Variants in DYNC1I1 observed in about 807,000 individuals in gnomAD.
DYNC1I1 encodes the protein dynein cytoplasmic 1 intermediate chain 1.
A neutral mutation model predicts 86.6 loss-of-function variants in DYNC1I1; 43 were observed. The observed-to-expected ratio is 0.50, with a 90% confidence interval of 0.39 to 0.64. The LOEUF (loss-of-function observed/expected upper bound fraction) is 0.64. Among genes scored for constraint, DYNC1I1 ranks in the 30% least tolerant of loss-of-function variants. The pLI, the probability that DYNC1I1 is intolerant of heterozygous loss-of-function variation, is 0.00. For synonymous variants in DYNC1I1, 262 were observed against 283.7 expected (o/e 0.92, Z 0.77); for missense variants, 604 against 788.8 (o/e 0.77, Z 2.81).
chr7:96,057,304 C>T lies in DYNC1I1; in HGVS notation c.1509+17883C>T, dbSNP rs570169630. The stretch of plus-strand genomic sequence containing the variant: ...AGTCCTTGAAACTGGGCCTTTTCTA[C>T]GTCTGAGTCCTAATGAAGATTCCAG... On this transcript the variant is annotated intron_variant, in intron 14 of 16. Coordinates refer to ENST00000447467, the MANE Select transcript of DYNC1I1 (RefSeq NM_001135556.2). Among the ~76,000 whole-genome samples the T allele has an allele frequency of 3.4e-4, 52 of 152,122 alleles. No homozygotes were observed. The East Asian group carries it at 5.4e-3, about 16-fold the overall frequency.
intron 6 of DYNC1I1, among the ~76,000 whole-genome samples, chr7:95,926,041 T>G (rs1429755927): frequency 6.6e-6 from 1 of 152,174 alleles, no homozygotes; most frequent in African/African-American, 2.4e-5. Flanking sequence ...GGCAAGGGTG[T>G]GCATTAAGCA....
At chr7:95,851,983 C>T (rs527835510) in intron 5 of DYNC1I1, among the ~76,000 whole-genome samples, 2 of 152,208 alleles carry the variant, frequency 1.3e-5, no homozygotes, top group South Asian at 2.1e-4. Context: ...TTTTCAATAA[C>T]ATTCTTATCT....
intron 14 of DYNC1I1, among the ~76,000 whole-genome samples, chr7:96,072,551 A>C (rs1325469198): frequency 6.6e-6 from 1 of 152,180 alleles, no homozygotes. Context: ...AAAATCATGA[A>C]GCTTCTGTGG....
intron 1 of DYNC1I1, among the ~76,000 whole-genome samples, chr7:95,783,497 G>A (rs1241665561): frequency 6.6e-6 from 1 of 152,126 alleles, no homozygotes; most frequent in African/African-American, 2.4e-5. Context: ...CTACAATGTG[G>A]TTATATGTTA....
chr7:95,986,971 C>A, intron 8 of DYNC1I1, 85 bp from the exon 9 acceptor site: 2 of 1,216,948 alleles, frequency 1.6e-6, no homozygotes, highest in Non-Finnish European at 2.4e-6. Context: ...GTATTGTGTG[C>A]CAGGCTTTTG....
At chr7:95,808,642 C>T (rs1008369308) in intron 2 of DYNC1I1, among the ~76,000 whole-genome samples, 3 of 152,140 alleles carry the variant, frequency 2.0e-5, no homozygotes, top group Admixed American at 1.3e-4. Context: ...CCAGGGGTTT[C>T]CTGGCCTGTC....
downstream of DYNC1I1, among the ~76,000 whole-genome samples, chr7:96,100,650 TTGTGTG>T (rs57129262): frequency 2.1e-5 from 3 of 142,848 alleles, no homozygotes; most frequent in African/African-American, 5.2e-5. Flanking sequence ...TTTGAGGGTT[TTGTGTG>T]TGTGTGTGTG....
intron 16 of DYNC1I1, among the ~76,000 whole-genome samples, chr7:96,086,527 G>A (rs1439583599): frequency 6.6e-6 from 1 of 152,134 alleles, no homozygotes; most frequent in Non-Finnish European, 1.5e-5. Context: ...CTATTCACTA[G>A]TTACCTAAGA....
rs577089912 is a variant in DYNC1I1, at chr7:95,952,004, A to C, written c.491-25508A>C. 3.9e-5 allele frequency among the ~76,000 whole-genome samples: 6 copies of C among 152,304 alleles called. 1 individual carries two copies. The highest frequency in any genetic ancestry group is 6.8e-3 in the Middle Eastern group (2 of 294). ...AAGAAAACCATCTTCACAAACAGAG[A>C]AGGACCTTTTTATTTAATAAGGCTC... On this transcript the variant is annotated intron_variant, in intron 6 of 16. Transcript: ENST00000447467.
chr7:95,932,524 G>A (rs1446973280), intron 6 of DYNC1I1, among the ~76,000 whole-genome samples: 1 of 152,236 alleles, frequency 6.6e-6, no homozygotes, highest in African/African-American at 2.4e-5. Flanking sequence ...GGAATTAGAA[G>A]TGTCCTTGGG....
chr7:95,865,323 C>T (rs965273626), intron 5 of DYNC1I1, among the ~76,000 whole-genome samples: 1 of 152,124 alleles, frequency 6.6e-6, no homozygotes, highest in Non-Finnish European at 1.5e-5. Flanking sequence ...AAATACACCA[C>T]ATGATTTTAA....
At chr7:96,071,737 C>G (rs539789267) in intron 14 of DYNC1I1, among the ~76,000 whole-genome samples, 1 of 152,320 alleles carries the variant, frequency 6.6e-6, no homozygotes, top group African/African-American at 2.4e-5. Flanking sequence ...ATAACATCCT[C>G]AGGATCATTA....
chr7:95,838,478 A>G (rs912854481), intron 5 of DYNC1I1, among the ~76,000 whole-genome samples: 4 of 152,120 alleles, frequency 2.6e-5, no homozygotes, highest in African/African-American at 9.7e-5. Flanking sequence ...GCAGTGTGAT[A>G]CCTCTTGAGA....
intron 5 of DYNC1I1, among the ~76,000 whole-genome samples, chr7:95,856,540 G>C (rs2116096926): frequency 6.6e-6 from 1 of 152,278 alleles, no homozygotes; most frequent in East Asian, 1.9e-4. Flanking sequence ...GTTGAGGTCT[G>C]AAAAATATTT....
rs115016493 is a variant in DYNC1I1, at chr7:96,052,632, A to G, written c.1509+13211A>G. ...AGCAATAGTAATAATTACCACTATT[A>G]CTGTTGAATATTATGGTAATTGTTG... On this transcript the variant is annotated intron_variant, in intron 14 of 16. Transcript: ENST00000447467. Among the ~76,000 whole-genome samples the G allele has an allele frequency of 8.6e-3, 1,308 of 152,304 alleles. 14 individuals are homozygous for G. Among genetic ancestry groups the G allele is most frequent in the African/African-American group, 0.03 (1,250 of 41,548 alleles).
intron 14 of DYNC1I1, among the ~76,000 whole-genome samples, chr7:96,061,712 T>TCTCTCACA (rs1554441137): frequency 1.5e-5 from 2 of 136,920 alleles, no homozygotes; most frequent in African/African-American, 5.6e-5. Context: ...TCTCTCTCTC[T>TCTCTCACA]CACACACACA....
chr7:96,078,508 A>G (rs1039243278), intron 15 of DYNC1I1, among the ~76,000 whole-genome samples: 1 of 152,152 alleles, frequency 6.6e-6, no homozygotes, highest in Non-Finnish European at 1.5e-5. Flanking sequence ...CATTTGTAAT[A>G]TATATGAAAA....
intron 6 of DYNC1I1, among the ~76,000 whole-genome samples, chr7:95,902,608 A>G (rs923008299): frequency 2.0e-5 from 3 of 152,184 alleles, no homozygotes; most frequent in Non-Finnish European, 2.9e-5. Flanking sequence ...GTTTACATTC[A>G]TGTTATATAT....
At chr7:96,075,243 T>C (rs774034207) in intron 14 of DYNC1I1, among the ~76,000 whole-genome samples, 2 of 152,210 alleles carry the variant, frequency 1.3e-5, no homozygotes, top group Non-Finnish European at 2.9e-5. Flanking sequence ...ATTGTATCCC[T>C]CTGGAGTGGA....
Sources: allele counts gnomAD v4.1 joint callset (sites outside exome capture counted in the v4.1 genomes callset), GRCh38; gene constraint gnomAD v4.1.1; transcripts MANE v1.5; gene names NCBI Gene and HGNC (gene_info 2026-07-23, HGNC 2026-07-21).